Variants in PPP1R12B observed in about 807,000 individuals in gnomAD.
PPP1R12B encodes protein phosphatase 1 regulatory subunit 12B, also known as myosin phosphatase target subunit 2.
A neutral mutation model predicts 126.1 loss-of-function variants in PPP1R12B; 76 were observed. That is an observed-to-expected ratio of 0.60 (90% confidence interval 0.50 to 0.73). The LOEUF is 0.73. Among genes scored for constraint, PPP1R12B ranks in the 30% least tolerant of loss-of-function variants. PPP1R12B has a pLI of 0.00. For missense variants in PPP1R12B, 1,052 were observed against 1,205.1 expected, an observed-to-expected ratio of 0.87 and a Z score of 1.88; for synonymous variants, 356 against 434.7, an observed-to-expected ratio of 0.82 and a Z score of 2.25.
At chr1:202,448,891 A>G (rs1436383308) in intron 12 of PPP1R12B, 98 bp from the exon 13 acceptor site, 27 of 1,287,426 alleles carry the variant, frequency 2.1e-5, no homozygotes, top group Middle Eastern at 1.9e-4. Flanking sequence ...GAGATTTCCT[A>G]GATGAACCAC....
chr1:202,370,749 G>A (rs1341197769), intron 1 of PPP1R12B, among the ~76,000 whole-genome samples: 3 of 151,970 alleles, frequency 2.0e-5, no homozygotes, highest in African/African-American at 2.4e-5. Flanking sequence ...TGTTGGCCAG[G>A]CTGGTCTCGA....
intron 17 of PPP1R12B, 76 bp from the exon 18 acceptor site, chr1:202,496,705 A>C (rs937964262): frequency 7.6e-7 from 1 of 1,322,080 alleles, no homozygotes; most frequent in Non-Finnish European, 1.1e-6. Context: ...TGCATAATTG[A>C]TGGGATCTGA....
At chr1:202,446,389 G>A (rs1230934572) in intron 12 of PPP1R12B, among the ~76,000 whole-genome samples, 8 of 147,800 alleles carry the variant, frequency 5.4e-5, no homozygotes, top group Non-Finnish European at 7.5e-5. Flanking sequence ...GAGTAGCTGG[G>A]ACTACAGGCG....
chr1:202,558,949 C>T (rs543546638), intron 19 of PPP1R12B, 56 bp downstream of exon 19: 10 of 1,491,080 alleles, frequency 6.7e-6, no homozygotes, highest in South Asian at 2.6e-5. Context: ...GAATGCATGT[C>T]GAATTAAACT....
At chr1:202,438,205 G>T in intron 10 of PPP1R12B, 181 bp downstream of exon 10, 1 of 1,562,622 alleles carries the variant, frequency 6.4e-7, no homozygotes, top group Non-Finnish European at 8.6e-7. Flanking sequence ...GCTATTGTTT[G>T]CTTGACCAAA....
chr1:202,541,347 GAATACCAAAAGAAT>G (rs2148963034), intron 18 of PPP1R12B, among the ~76,000 whole-genome samples: 1 of 152,280 alleles, frequency 6.6e-6, no homozygotes, highest in Admixed American at 6.5e-5. Context: ...CTAGGGATGA[GAATACCAAAAGAAT>G]ATTGTTACGA....
chr1:202,449,138 C>G lies in PPP1R12B; in HGVS notation c.1817C>G (p.Thr606Arg). 6.2e-7 allele frequency: 1 copy of G among 1,612,430 alleles called. No homozygotes were observed. Among genetic ancestry groups the G allele is most frequent in the Non-Finnish European group, 8.5e-7 (1 of 1,179,050 alleles). The change falls in exon 13 of 24, where the codon ACA (threonine) becomes AGA (arginine). Residue 606 changes from threonine to arginine, a missense_variant. Thr to Arg is a moderately conservative substitution (Grantham distance 71). Transcript: ENST00000608999. ...ACTCCTGTGCTCTCCATTACTGGAA[C>G]AGATTCCTCTGTGGAAGCCAGGGAG... is the stretch of plus-strand genomic sequence containing the variant. ...TATPVLSITG[T>R]DSSVEAREKR...
intron 13 of PPP1R12B, among the ~76,000 whole-genome samples, chr1:202,456,292 A>G (rs1433455341): frequency 6.6e-6 from 1 of 152,036 alleles, no homozygotes; most frequent in Non-Finnish European, 1.5e-5. Context: ...AAAGAAAGAA[A>G]GAAAGAAAGA....
chr1:202,359,722 T>G (rs1257933715), intron 1 of PPP1R12B, among the ~76,000 whole-genome samples: 1 of 151,928 alleles, frequency 6.6e-6, no homozygotes, highest in East Asian at 1.9e-4. Flanking sequence ...GAGAATCACT[T>G]GAATCCGGGA....
At position 202,367,787 on chromosome 1, in the gene PPP1R12B, G is replaced by A. The variant is rs543389060; in HGVS notation, c.291+18645G>A. On this transcript the variant is annotated intron_variant, in intron 1 of 23. Transcript: ENST00000608999. ...CTACAGTTTGATGGGTTTTGACAAC[G>A]TATACAACCATGTAACCAATATGGT... is the stretch of plus-strand genomic sequence containing the variant. Among the ~76,000 whole-genome samples the A allele has an allele frequency of 1.1e-4, 17 of 152,130 alleles. No individual in the cohort carries two copies. The Middle Eastern group carries it at 0.01, about 91-fold the overall frequency.
At chr1:202,467,783 C>T (rs1218236205) in intron 13 of PPP1R12B, among the ~76,000 whole-genome samples, 1 of 152,120 alleles carries the variant, frequency 6.6e-6, no homozygotes, top group Admixed American at 6.5e-5. Flanking sequence ...GTTCTAGATC[C>T]CTGAGGAATC....
intron 12 of PPP1R12B, among the ~76,000 whole-genome samples, chr1:202,447,102 T>C (rs892387622): frequency 6.6e-6 from 1 of 152,236 alleles, no homozygotes; most frequent in African/African-American, 2.4e-5. Flanking sequence ...TGTGGACTTT[T>C]AACTAGGTAT....
At chr1:202,417,847 G>A (rs1484657748) in intron 2 of PPP1R12B, among the ~76,000 whole-genome samples, 1 of 152,208 alleles carries the variant, frequency 6.6e-6, no homozygotes, top group East Asian at 1.9e-4. Flanking sequence ...AGAGGCCTGA[G>A]AATGACTTCC....
chr1:202,375,871 G>A (rs936347923), intron 1 of PPP1R12B, among the ~76,000 whole-genome samples: 5 of 152,128 alleles, frequency 3.3e-5, no homozygotes, highest in African/African-American at 9.7e-5. Flanking sequence ...TAGCTTACCT[G>A]TCATAACACT....
chr1:202,450,458 C>A (rs563051945), intron 13 of PPP1R12B, among the ~76,000 whole-genome samples: 4 of 152,182 alleles, frequency 2.6e-5, no homozygotes, highest in Non-Finnish European at 5.9e-5. Context: ...GAATGTACTG[C>A]ATTTGGGAGT....
intron 13 of PPP1R12B, among the ~76,000 whole-genome samples, chr1:202,452,664 T>A (rs1186183578): frequency 3.3e-5 from 5 of 152,158 alleles, no homozygotes; most frequent in African/African-American, 1.2e-4. Flanking sequence ...CAAATAAAAG[T>A]GCTAGTGACT....
chr1:202,578,676 C>A (rs1322927574), intron 23 of PPP1R12B, among the ~76,000 whole-genome samples: 1 of 152,204 alleles, frequency 6.6e-6, no homozygotes, highest in Non-Finnish European at 1.5e-5. Context: ...ATTGTAGGAA[C>A]ACTCAGTATC....
At chr1:202,446,248 A>G (rs1340170188) in intron 12 of PPP1R12B, among the ~76,000 whole-genome samples, 1 of 60,686 alleles carries the variant, frequency 1.6e-5, no homozygotes, top group African/African-American at 8.8e-5. Flanking sequence ...ATATATATAT[A>G]TATATATATT....
At chr1:202,462,949 T>C in intron 13 of PPP1R12B, 1 of 985,366 alleles carries the variant, frequency 1.0e-6, no homozygotes, top group Non-Finnish European at 1.2e-6. Context: ...TTTATGGAAA[T>C]CAGAGGCACA....
Sources: gnomAD v4.1 joint callset for allele counts (sites outside exome capture counted in the v4.1 genomes callset) on GRCh38, gnomAD v4.1.1 for gene constraint, MANE v1.5 for transcripts, NCBI Gene and HGNC (gene_info 2026-07-23, HGNC 2026-07-21) for gene names.